COL6A5: variants seen among roughly 807,000 people sequenced by gnomAD.
COL6A5 encodes collagen type VI alpha 5 chain, also known as collagen alpha-5(VI) chain.
COL6A5 carries 48 observed loss-of-function variants against 65.6 expected under a neutral mutation model. The ratio of observed to expected loss-of-function variants is 0.73; its 90% CI spans 0.58 to 0.93. The LOEUF (loss-of-function observed/expected upper bound fraction) is 0.93, where lower values mean the gene tolerates loss of function less well. COL6A5 is among the 40% of genes least tolerant of loss of function. The pLI is 0.00. For missense variants in COL6A5, 914 were observed against 928.3 expected (o/e 0.98, Z 0.20); for synonymous variants, 291 against 322.8 (o/e 0.90, Z 1.05).
Position 130,410,910 on chromosome 3 carries a change from C to T in COL6A5, c.4662+386C>T, listed in dbSNP as rs547515186. Among the ~76,000 whole-genome samples, 8 of 152,278 alleles carry T rather than the reference C, an allele frequency of 5.3e-5. 1 individual carries two copies. The South Asian group carries it at 1.7e-3, about 32-fold the overall frequency. On this transcript the variant is annotated intron_variant and NMD_transcript_variant, in intron 20 of 41. Transcript: ENST00000312481. ...TAGTTGGCCTTTCCCTTTCCACCTTCCAGGTGTTTTGGGATGTCTTTGAAG... is the reference window on the plus strand; with the variant it reads ...TAGTTGGCCTTTCCCTTTCCACCTTTCAGGTGTTTTGGGATGTCTTTGAAG...
intron 1 of COL6A5, among the ~76,000 whole-genome samples, chr3:130,349,285 A>C (rs1934616444): frequency 6.6e-6 from 1 of 152,240 alleles, no homozygotes; most frequent in African/African-American, 2.4e-5. Flanking sequence ...AGAGTTTCAG[A>C]AAGGCACCGT....
chr3:130,373,657 A>T, exon 2 of COL6A5: 2 of 1,540,106 alleles, frequency 1.3e-6, no homozygotes, highest in East Asian at 4.9e-5. Flanking sequence ...CTTGCTAATT[A>T]TATTTGTCCT....
chr3:130,410,645 C>A, intron 20 of COL6A5, 121 bp downstream of exon 20: 1 of 765,956 alleles, frequency 1.3e-6, no homozygotes, highest in Non-Finnish European at 2.2e-6. Flanking sequence ...AGGGCTTCTC[C>A]ATCTTGACAC....
chr3:130,384,685 C>G, intron 4 of COL6A5, 119 bp from the exon 5 acceptor site: 1 of 754,302 alleles, frequency 1.3e-6, no homozygotes, highest in Non-Finnish European at 2.1e-6. Context: ...TGTGCAGGCT[C>G]TACGCAAAAA....
At chr3:130,469,640 T>A (rs544430712) in intron 6 of COL6A5, among the ~76,000 whole-genome samples, 159 bp downstream of exon 38, 4 of 152,028 alleles carry the variant, frequency 2.6e-5, no homozygotes, top group Non-Finnish European at 5.9e-5. Context: ...ATTCCCAGAT[T>A]TTTTGACCAT....
chr3:130,413,166 G>A (rs1188643591), intron 20 of COL6A5, among the ~76,000 whole-genome samples: 1 of 152,106 alleles, frequency 6.6e-6, no homozygotes, highest in Non-Finnish European at 1.5e-5. Flanking sequence ...AGAAATGGAT[G>A]TGCCACAGCT....
chr3:130,474,389 A>G (rs1710036126), intron 7 of COL6A5, among the ~76,000 whole-genome samples: 1 of 152,050 alleles, frequency 6.6e-6, no homozygotes, highest in Admixed American at 6.6e-5. Context: ...TAATATTCAA[A>G]ATGTTCAGGA....
At chr3:130,470,911 A>G (rs767934016) in exon 7 of COL6A5, 9 of 1,612,622 alleles carry the variant, frequency 5.6e-6, no homozygotes, top group Admixed American at 3.3e-5. Context: ...TGAAAGCCAC[A>G]TGTGTTAACA....
chr3:130,357,058 A>T lies in COL6A5; in HGVS notation c.-29+11077A>T, dbSNP rs374291807. On this transcript the variant is annotated intron_variant and NMD_transcript_variant, in intron 1 of 41. Coordinates refer to the COL6A5 transcript ENST00000312481. ...TAAATGAAAAATGTCTTTTGGGAAA[A>T]ACTCACAGTAAACAGTATAATTTAC... is the stretch of plus-strand genomic sequence containing the variant. Among the ~76,000 whole-genome samples, 4 of 152,334 alleles carry T rather than the reference A, an allele frequency of 2.6e-5. No homozygotes were observed. In the East Asian group the frequency reaches 7.7e-4, roughly 29 times the overall value.
At chr3:130,386,359 G>A (rs1936185610) in intron 5 of COL6A5, among the ~76,000 whole-genome samples, 1 of 152,070 alleles carries the variant, frequency 6.6e-6, no homozygotes, top group South Asian at 2.1e-4. Flanking sequence ...CTACAAAAAA[G>A]TTAGCTGTTG....
In COL6A5 at chr3:130,386,383, A is replaced by C. The variant is rs1936187115; in HGVS notation, c.1861+1019A>C. 3.3e-5 allele frequency among the ~76,000 whole-genome samples: 5 copies of C among 152,234 alleles called. No individual in the cohort carries two copies. The South Asian group carries it at 1.0e-3, about 32-fold the overall frequency. ...AGTTAGCTGTTGCAGAAGGTGGCTA[A>C]GGTGTTCACCGATGAGGAAAGGAAG... On this transcript the variant is annotated intron_variant and NMD_transcript_variant, in intron 5 of 41. Transcript: ENST00000312481.
intron 1 of COL6A5, among the ~76,000 whole-genome samples, chr3:130,352,945 G>C (rs73870608): frequency 5.8e-4 from 88 of 152,204 alleles, no homozygotes; most frequent in African/African-American, 1.9e-3. Flanking sequence ...TTAACTAAGA[G>C]TACTTGCCTC....
At chr3:130,374,467 T>A (rs747642915) in intron 2 of COL6A5, among the ~76,000 whole-genome samples, 1 of 152,084 alleles carries the variant, frequency 6.6e-6, no homozygotes, top group African/African-American at 2.4e-5. Flanking sequence ...TAATCGTATT[T>A]TTTTGAGACA....
exon 8 of COL6A5, chr3:130,395,294 C>T: frequency 6.4e-7 from 1 of 1,551,556 alleles, no homozygotes. Context: ...CCTGAAGGAC[C>T]TTGGAATTTG....
At chr3:130,440,524 A>T in exon 3 of COL6A5, 1 of 1,613,696 alleles carries the variant, frequency 6.2e-7, no homozygotes, top group Non-Finnish European at 8.5e-7. Context: ...GTCGTGCCCT[A>T]CTGTGGACCA....
chr3:130,456,114 A>G (rs1257780587), intron 5 of COL6A5, among the ~76,000 whole-genome samples: 1 of 152,104 alleles, frequency 6.6e-6, no homozygotes, highest in Non-Finnish European at 1.5e-5. Flanking sequence ...CTTTAAAATG[A>G]CTTTTTAAAG....
At chr3:130,481,210 C>T (rs55865558) in intron 7 of COL6A5, among the ~76,000 whole-genome samples, 4 of 149,600 alleles carry the variant, frequency 2.7e-5, no homozygotes, top group Non-Finnish European at 4.5e-5. Context: ...CCCCACCCCC[C>T]GACAAGCCCC....
intron 7 of COL6A5, 39 bp downstream of exon 40, chr3:130,471,965 C>A: frequency 1.3e-6 from 2 of 1,511,700 alleles, no homozygotes; most frequent in South Asian, 1.2e-5. Context: ...CCCTCAAGTA[C>A]CTTTGTTTGG....
intron 4 of COL6A5, among the ~76,000 whole-genome samples, chr3:130,446,556 G>C (rs1709309607): frequency 6.6e-6 from 1 of 152,138 alleles, no homozygotes; most frequent in Non-Finnish European, 1.5e-5. Flanking sequence ...GGTCTCCATT[G>C]CCATCAGGGA....
Sources: gnomAD v4.1 joint callset for allele counts (sites outside exome capture counted in the v4.1 genomes callset) on GRCh38, gnomAD v4.1.1 for gene constraint, MANE v1.5 for transcripts, NCBI Gene and HGNC (gene_info 2026-07-23, HGNC 2026-07-21) for gene names.